PTPRK: variants seen among roughly 807,000 people sequenced by gnomAD.
PTPRK encodes protein tyrosine phosphatase receptor type K.
Under a neutral mutation model 178.0 loss-of-function variants are expected in PTPRK, and 75 were observed. That is an observed-to-expected ratio of 0.42 (90% CI 0.35 to 0.51). The LOEUF (loss-of-function observed/expected upper bound fraction) is 0.51, where lower values mean the gene tolerates loss of function less well. PTPRK is among the 20% of genes least tolerant of loss of function. The pLI is 0.02. For synonymous variants in PTPRK, 637 were observed against 620.6 expected, an observed-to-expected ratio of 1.03 and a Z score of -0.39; for missense variants, 1,441 against 1,797.8, an observed-to-expected ratio of 0.80 and a Z score of 3.59.
intron 7 of PTPRK, among the ~76,000 whole-genome samples, chr6:128,138,541 T>A (rs1795329394): frequency 1.3e-5 from 2 of 152,218 alleles, no homozygotes; most frequent in East Asian, 1.9e-4. Flanking sequence ...CCTCTGAAAG[T>A]CTCCTTGGTG....
intron 24 of PTPRK, among the ~76,000 whole-genome samples, chr6:127,982,001 G>A (rs1775398980): frequency 6.6e-6 from 1 of 151,804 alleles, no homozygotes; most frequent in Non-Finnish European, 1.5e-5. Flanking sequence ...CACCACACCC[G>A]GCTATTTTTT....
chr6:128,383,226 A>G (rs1838200087), intron 2 of PTPRK, among the ~76,000 whole-genome samples: 1 of 152,224 alleles, frequency 6.6e-6, no homozygotes, highest in Non-Finnish European at 1.5e-5. Flanking sequence ...AGCATCCTTA[A>G]TAGCAAAGTT....
chr6:128,239,929 A>ACG (rs1406904355), intron 5 of PTPRK, 106 bp downstream of exon 5: 6 of 757,768 alleles, frequency 7.9e-6, no homozygotes, highest in Middle Eastern at 2.4e-4. Flanking sequence ...GCGTGTGCAC[A>ACG]CGCACACACA....
At position 128,493,344 on chromosome 6, in the gene PTPRK, C is replaced by T. The variant is rs529508382; in HGVS notation, c.100+26915G>A. Among the ~76,000 whole-genome samples, 23 of 152,192 alleles carry T rather than the reference C, an allele frequency of 1.5e-4. No homozygotes were observed. The Middle Eastern group carries it at 0.01, about 68-fold the overall frequency. On this transcript the variant is annotated intron_variant, in intron 1 of 29. Transcript: ENST00000368226. Reference sequence around the variant, plus strand: ...TTGGGAGGCCAAGGTGGGCTGATCACGAGGTCAGGAGATCAAGACCATCCT... The same window carrying T: ...TTGGGAGGCCAAGGTGGGCTGATCATGAGGTCAGGAGATCAAGACCATCCT...
chr6:128,037,813 G>A (rs1482959782), intron 13 of PTPRK, among the ~76,000 whole-genome samples: 2 of 152,126 alleles, frequency 1.3e-5, no homozygotes, highest in African/African-American at 2.4e-5. Flanking sequence ...GTAATCCTGA[G>A]TTGAGCAATG....
At chr6:128,438,183 A>G (rs746256347) in intron 1 of PTPRK, among the ~76,000 whole-genome samples, 4 of 152,182 alleles carry the variant, frequency 2.6e-5, no homozygotes, top group African/African-American at 4.8e-5. Context: ...ACCTAACATC[A>G]CAGACGTTTC....
chr6:128,329,850 T>G (rs980576139), intron 2 of PTPRK, among the ~76,000 whole-genome samples: 1 of 152,158 alleles, frequency 6.6e-6, no homozygotes, highest in African/African-American at 2.4e-5. Flanking sequence ...TGAGTCTAAT[T>G]GACACACAAA....
intron 3 of PTPRK, among the ~76,000 whole-genome samples, chr6:128,256,072 G>A (rs750934188): frequency 5.9e-5 from 9 of 152,118 alleles, no homozygotes; most frequent in Non-Finnish European, 1.3e-4. Flanking sequence ...AATATTTGCT[G>A]GACTAATATC....
chr6:128,259,815 T>C (rs1004953722), intron 3 of PTPRK, among the ~76,000 whole-genome samples: 1 of 152,188 alleles, frequency 6.6e-6, no homozygotes, highest in African/African-American at 2.4e-5. Flanking sequence ...ATTCTTTCCT[T>C]TTCATTTAAA....
At chr6:128,178,419 A>T (rs931259858) in intron 7 of PTPRK, among the ~76,000 whole-genome samples, 3 of 151,818 alleles carry the variant, frequency 2.0e-5, no homozygotes, top group Non-Finnish European at 4.4e-5. Flanking sequence ...CCAATCTCTC[A>T]TGATTTTCCC....
At chr6:128,476,014 AT>A (rs569937216) in intron 1 of PTPRK, among the ~76,000 whole-genome samples, 1 of 152,184 alleles carries the variant, frequency 6.6e-6, no homozygotes, top group African/African-American at 2.4e-5. Context: ...CTTAAAAAAA[AT>A]TTAGAAAGGA....
At position 128,247,519 on chromosome 6, in the gene PTPRK, A is replaced by T. The variant is rs183521733; in HGVS notation, c.496-4917T>A. ...ATTTTTGTAGAGACGGGGTTTTAAC[A>T]TGTTGGCTAGGCTGGTCTCGAACTC... On this transcript the variant is annotated intron_variant, in intron 3 of 29. Coordinates refer to ENST00000368226, the MANE Select transcript of PTPRK (RefSeq NM_002844.4). Among the ~76,000 whole-genome samples the T allele has an allele frequency of 3.1e-3, 476 of 152,042 alleles. 2 individuals are homozygous for T. Among genetic ancestry groups the T allele is most frequent in the African/African-American group, 0.011 (464 of 41,468 alleles).
chr6:128,019,099 C>G (rs1407461136), intron 13 of PTPRK, among the ~76,000 whole-genome samples: 1 of 152,112 alleles, frequency 6.6e-6, no homozygotes, highest in Non-Finnish European at 1.5e-5. Context: ...TATCTGATTT[C>G]TTGACAATCT....
Position 128,089,682 on chromosome 6 carries a change from G to A in PTPRK, c.1465+8C>T, listed in dbSNP as rs777189834. The A allele has an allele frequency of 3.8e-6, 6 of 1,598,824 alleles. No homozygotes were observed. The highest frequency in any genetic ancestry group is 5.1e-6 in the Non-Finnish European group (6 of 1,166,306). On this transcript the variant is annotated splice_region_variant and intron_variant, in intron 8 of 29. Transcript: ENST00000368226. ...TCCCCCCTTTTAAACAGCAAAGTAT[G>A]AGCATACCATCTTCATCAGTTTGAA... is the stretch of plus-strand genomic sequence containing the variant.
At chr6:128,250,136 C>T (rs1156831610) in intron 3 of PTPRK, among the ~76,000 whole-genome samples, 1 of 152,182 alleles carries the variant, frequency 6.6e-6, no homozygotes, top group Non-Finnish European at 1.5e-5. Flanking sequence ...ATTATGAGGC[C>T]TTTAGCTACA....
intron 1 of PTPRK, among the ~76,000 whole-genome samples, chr6:128,510,364 C>A (rs929093733): frequency 2.0e-5 from 3 of 152,178 alleles, no homozygotes; most frequent in Non-Finnish European, 4.4e-5. Context: ...GCTGCTACTT[C>A]TCTACATTTT....
chr6:128,210,624 G>A (rs1473242439), intron 6 of PTPRK, among the ~76,000 whole-genome samples: 3 of 151,946 alleles, frequency 2.0e-5, no homozygotes, highest in Admixed American at 6.6e-5. Context: ...AAGGAGGTGA[G>A]TGATAAAGAA....
Position 128,234,636 on chromosome 6 carries a change from C to T in PTPRK, c.693+5399G>A, listed in dbSNP as rs139986268. 4.2e-3 allele frequency among the ~76,000 whole-genome samples: 633 copies of T among 152,264 alleles called. 5 individuals carry two copies. The highest frequency in any genetic ancestry group is 6.1e-3 in the Non-Finnish European group (416 of 68,016). ...ACCTAATGTTGCTGAGATCCATTCA[C>T]GCTGTTGCATTATCAGCAGTTCATT... On this transcript the variant is annotated intron_variant, in intron 5 of 29. Transcript: ENST00000368226.
Position 128,417,435 on chromosome 6 carries a change from T to C in PTPRK, c.101-19747A>G, listed in dbSNP as rs542161836. ...CTCCAAAGAGAAGTTTATACACCAT[T>C]TGTACATAGAAAAACTATAATGGTT... On this transcript the variant is annotated intron_variant, in intron 1 of 29. Transcript: ENST00000368226. Among the ~76,000 whole-genome samples, 4 of 152,274 alleles carry C rather than the reference T, an allele frequency of 2.6e-5. No individual in the cohort carries two copies. In the East Asian group the frequency reaches 7.7e-4, roughly 29 times the overall value.
Sources: gnomAD v4.1 joint callset for allele counts (sites outside exome capture counted in the v4.1 genomes callset) on GRCh38, gnomAD v4.1.1 for gene constraint, MANE v1.5 for transcripts, NCBI Gene and HGNC (gene_info 2026-07-23, HGNC 2026-07-21) for gene names.